ATXN8OS: variants seen among roughly 807,000 people sequenced by gnomAD.
ATXN8OS encodes the protein ATXN8 opposite strand (non-protein coding).
At chr13:70,142,582 C>T (rs931622289) in intron 3 of ATXN8OS, among the ~76,000 whole-genome samples, 8 of 152,198 alleles carry the variant, frequency 5.3e-5, no homozygotes, top group Non-Finnish European at 1.0e-4. Flanking sequence ...TCTATGGCTT[C>T]ATAACTGCAC....
intron 3 of ATXN8OS, among the ~76,000 whole-genome samples, chr13:70,144,601 C>T: frequency 6.6e-6 from 1 of 152,072 alleles, no homozygotes; most frequent in South Asian, 2.1e-4. Context: ...GATAACAGTC[C>T]TTTAATATAT....
At chr13:70,130,929 G>C in intron 3 of ATXN8OS, 1 of 398,312 alleles carries the variant, frequency 2.5e-6, no homozygotes, top group East Asian at 3.6e-5. Flanking sequence ...TGTTAACTAT[G>C]GAAAAAATAA....
chr13:70,131,067 T>C (rs1333637372), intron 3 of ATXN8OS: 10 of 398,392 alleles, frequency 2.5e-5, no homozygotes, highest in Non-Finnish European at 4.0e-5. Flanking sequence ...TTGACCAATT[T>C]TGTCTTATCT....
intron 4 of ATXN8OS, among the ~76,000 whole-genome samples, chr13:70,148,110 T>C (rs1888812197): frequency 6.6e-6 from 1 of 152,096 alleles, no homozygotes; most frequent in Non-Finnish European, 1.5e-5. Context: ...AGCCTCCAGG[T>C]AGCAGGCTTC....
chr13:70,134,628 C>A (rs1021887381), intron 3 of ATXN8OS, among the ~76,000 whole-genome samples: 1 of 152,092 alleles, frequency 6.6e-6, no homozygotes, highest in Non-Finnish European at 1.5e-5. Context: ...TGGCAATTGC[C>A]AAGGAAAACA....
intron 4 of ATXN8OS, among the ~76,000 whole-genome samples, chr13:70,167,044 A>G (rs1189042862): frequency 5.3e-5 from 8 of 152,094 alleles, no homozygotes; most frequent in African/African-American, 1.9e-4. Flanking sequence ...GTGGAGAAAT[A>G]GGAACACTTT....
At chr13:70,133,129 G>A (rs143124491) in intron 3 of ATXN8OS, among the ~76,000 whole-genome samples, 1 of 152,332 alleles carries the variant, frequency 6.6e-6, no homozygotes, top group Non-Finnish European at 1.5e-5. Flanking sequence ...AAGGTGCCTG[G>A]GCATGGAGGC....
chr13:70,167,390 C>T (rs1889088004), intron 4 of ATXN8OS, among the ~76,000 whole-genome samples: 1 of 151,990 alleles, frequency 6.6e-6, no homozygotes, highest in Admixed American at 6.6e-5. Context: ...AACCATCATT[C>T]TCAGCAAACC....
chr13:70,148,383 A>G (rs1222851191), intron 4 of ATXN8OS, among the ~76,000 whole-genome samples: 1 of 152,062 alleles, frequency 6.6e-6, no homozygotes, highest in Admixed American at 6.6e-5. Flanking sequence ...AATACAACGA[A>G]TCTCTTCTGT....
chr13:70,123,348 T>G (rs1888387984), intron 2 of ATXN8OS, among the ~76,000 whole-genome samples: 1 of 152,168 alleles, frequency 6.6e-6, no homozygotes, highest in Non-Finnish European at 1.5e-5. Context: ...CAGCAAGATT[T>G]ATGTTGTCAA....
intron 3 of ATXN8OS, among the ~76,000 whole-genome samples, chr13:70,140,538 A>C (rs1247135119): frequency 3.3e-5 from 5 of 151,864 alleles, no homozygotes; most frequent in African/African-American, 1.2e-4. Context: ...ACACACAAAA[A>C]AAAAAAAACG....
At position 70,150,331 on chromosome 13, in the gene ATXN8OS, T is replaced by A. The variant is rs147946701; in HGVS notation, n.573+2903T>A. Reference sequence around the variant, plus strand: ...TTCTCTATTCTAAGAGGAAGTATGGTCAAGTTTGTTTGAAGACAGTGATGA... The same window carrying A: ...TTCTCTATTCTAAGAGGAAGTATGGACAAGTTTGTTTGAAGACAGTGATGA... On this transcript the variant is annotated intron_variant and non_coding_transcript_variant, in intron 4 of 4. Coordinates refer to ENST00000678624, the Ensembl canonical transcript of ATXN8OS. Among the ~76,000 whole-genome samples the A allele has an allele frequency of 5.7e-4, 87 of 152,190 alleles. 1 individual carries two copies. In the East Asian group the frequency reaches 0.014, roughly 25 times the overall value.
At chr13:70,119,006 T>G (rs563814328) in intron 2 of ATXN8OS, among the ~76,000 whole-genome samples, 1 of 151,950 alleles carries the variant, frequency 6.6e-6, no homozygotes, top group Non-Finnish European at 1.5e-5. Context: ...CCACTGAATA[T>G]TTCAATAAAT....
In ATXN8OS at chr13:70,146,492, T is replaced by G. The variant is rs533654797; in HGVS notation, n.500-863T>G. ...ATGTTTATTGTGTCACTATTCACAATAGCAAAGACTTGAAACCAACCCAAA... is the reference window on the plus strand; with the variant it reads ...ATGTTTATTGTGTCACTATTCACAAGAGCAAAGACTTGAAACCAACCCAAA... On this transcript the variant is annotated intron_variant and non_coding_transcript_variant, in intron 3 of 4. Transcript: ENST00000678624. Among the ~76,000 whole-genome samples the G allele has an allele frequency of 2.0e-5, 3 of 152,148 alleles. No individual in the cohort carries two copies. The East Asian group carries it at 5.8e-4, about 29-fold the overall frequency.
At chr13:70,151,837 T>C (rs1888871845) in intron 4 of ATXN8OS, among the ~76,000 whole-genome samples, 1 of 152,160 alleles carries the variant, frequency 6.6e-6, no homozygotes, top group African/African-American at 2.4e-5. Flanking sequence ...GTTAGAACTC[T>C]AGGCGTGGTG....
exon 3 of ATXN8OS, chr13:70,129,830 G>A (rs1043090336): frequency 3.5e-5 from 14 of 398,352 alleles, no homozygotes; most frequent in Non-Finnish European, 2.7e-5. Flanking sequence ...AAGGATGTAT[G>A]TATAGGAAGT....
rs1412246574 is a variant in ATXN8OS at position 70,152,364 on chromosome 13, TATAC to T, written n.573+4940_573+4943del. Among the ~76,000 whole-genome samples the T allele has an allele frequency of 2.0e-5, 3 of 151,862 alleles. No homozygotes were observed. The East Asian group carries it at 5.8e-4, about 29-fold the overall frequency. On this transcript the variant is annotated intron_variant and non_coding_transcript_variant, in intron 4 of 4. Transcript: ENST00000678624. ...CTCTGTACCTGTGTGTGTGTGTATATATACATATATATGTATACATATATATACA... is the reference window on the plus strand; with the variant it reads ...CTCTGTACCTGTGTGTGTGTGTATATATATATATGTATACATATATATACA...
rs36110832 is a variant in ATXN8OS at position 70,115,027 on chromosome 13, C to CGTGT, written n.241-96_241-93dup. On this transcript the variant is annotated intron_variant and non_coding_transcript_variant, in intron 1 of 4. Transcript: ENST00000678624. ...TCTCAAAATTGAGCTCTCTTTCTAA[C>CGTGT]GTGTGTGTGTGTGTGTGTGTGCATG... 3.5e-3 allele frequency: 1,312 copies of CGTGT among 370,284 alleles called. 14 individuals carry two copies. Among genetic ancestry groups the CGTGT allele is most frequent in the African/African-American group, 0.024 (1,136 of 47,368 alleles). 22.9% of individuals were successfully genotyped at this position (370,284 alleles called of 1,614,324 possible).
intron 3 of ATXN8OS, among the ~76,000 whole-genome samples, chr13:70,140,003 A>T (rs940637476): frequency 7.2e-5 from 11 of 152,192 alleles, no homozygotes; most frequent in African/African-American, 2.7e-4. Context: ...AAAATAAAAA[A>T]TAACACACTC....
Sources: allele counts gnomAD v4.1 joint callset (sites outside exome capture counted in the v4.1 genomes callset), GRCh38; gene constraint gnomAD v4.1.1; transcripts MANE v1.5; gene names NCBI Gene and HGNC (gene_info 2026-07-23, HGNC 2026-07-21).